The following PXDNL variants were observed in gnomAD, a reference collection of about 807,000 sequenced individuals.
PXDNL encodes peroxidasin like, also known as probable oxidoreductase PXDNL.
A neutral mutation model predicts 150.8 loss-of-function variants in PXDNL; 145 were observed. That is an observed-to-expected ratio of 0.96 (90% CI 0.84 to 1.10). The LOEUF is 1.10. Ranked by LOEUF, PXDNL falls within the 50% of genes least tolerant of loss-of-function variation. The pLI, the probability that PXDNL is intolerant of heterozygous loss-of-function variation, is 0.00. For missense variants in PXDNL, 2,087 were observed against 1,873.9 expected (o/e 1.11, Z -2.10); for synonymous variants, 757 against 725.7 (o/e 1.04, Z -0.69).
intron 2 of PXDNL, among the ~76,000 whole-genome samples, chr8:51,599,186 T>A (rs2130674478): frequency 6.6e-6 from 1 of 152,224 alleles, no homozygotes; most frequent in Admixed American, 6.5e-5. Flanking sequence ...AACAACCAAC[T>A]TTTGGTTTTG....
chr8:51,358,258 C>A (rs759681342), intron 19 of PXDNL, among the ~76,000 whole-genome samples: 10 of 152,302 alleles, frequency 6.6e-5, no homozygotes, highest in Non-Finnish European at 1.5e-4. Context: ...TCTCTCTTCC[C>A]AGGCTAAAAG....
Position 51,352,046 on chromosome 8 carries a change from A to G in PXDNL, c.3902-6099T>C, listed in dbSNP as rs547519897. Among the ~76,000 whole-genome samples the G allele has an allele frequency of 7.2e-5, 11 of 152,150 alleles. No homozygotes were observed. In the East Asian group the frequency reaches 1.7e-3, roughly 24 times the overall value. ...CTGCTCTCACTGAAGAAAAGGGATG[A>G]CATGAGGGCGTGACTCCTCAGGGTT... On this transcript the variant is annotated intron_variant, in intron 19 of 22. Transcript: ENST00000356297.
intron 2 of PXDNL, among the ~76,000 whole-genome samples, chr8:51,634,101 G>C (rs1749803312): frequency 6.6e-6 from 1 of 151,810 alleles, no homozygotes; most frequent in East Asian, 1.9e-4. Context: ...AGGATTTTTA[G>C]AGTTTGTGAT....
chr8:51,628,309 T>C (rs1050034081), intron 2 of PXDNL, among the ~76,000 whole-genome samples: 5 of 151,602 alleles, frequency 3.3e-5, no homozygotes, highest in Non-Finnish European at 7.4e-5. Context: ...ATCTACAAGC[T>C]TTGGGAGAGG....
intron 17 of PXDNL, among the ~76,000 whole-genome samples, chr8:51,380,931 A>G (rs1807513547): frequency 6.6e-6 from 1 of 152,176 alleles, no homozygotes; most frequent in African/African-American, 2.4e-5. Flanking sequence ...CCTAAATTAT[A>G]TCAACACTTT....
At chr8:51,691,836 G>A (rs1046628502) in intron 1 of PXDNL, among the ~76,000 whole-genome samples, 1 of 152,170 alleles carries the variant, frequency 6.6e-6, no homozygotes, top group African/African-American at 2.4e-5. Context: ...AGGGAGGAAG[G>A]CAAATGTGTG....
chr8:51,693,849 C>A (rs1240653306), intron 1 of PXDNL, among the ~76,000 whole-genome samples: 1 of 152,164 alleles, frequency 6.6e-6, no homozygotes, highest in Non-Finnish European at 1.5e-5. Flanking sequence ...AATACATAGA[C>A]TATAAATGAC....
At chr8:51,637,774 T>A (rs1381878111) in intron 2 of PXDNL, among the ~76,000 whole-genome samples, 1 of 152,160 alleles carries the variant, frequency 6.6e-6, no homozygotes, top group Admixed American at 6.5e-5. Flanking sequence ...TAGAAAACAC[T>A]CTTCAGGATA....
intron 14 of PXDNL, among the ~76,000 whole-genome samples, chr8:51,417,156 A>G (rs1346604539): frequency 6.6e-6 from 1 of 152,242 alleles, no homozygotes; most frequent in Admixed American, 6.5e-5. Flanking sequence ...GGCTTAAGGA[A>G]TAGAACAATC....
At chr8:51,356,062 G>GT (rs1214317245) in intron 19 of PXDNL, among the ~76,000 whole-genome samples, 1 of 152,240 alleles carries the variant, frequency 6.6e-6, no homozygotes, top group Non-Finnish European at 1.5e-5. Flanking sequence ...CTATCCCTAG[G>GT]TCTGCTAATA....
intron 1 of PXDNL, among the ~76,000 whole-genome samples, chr8:51,791,715 C>T (rs144092277): frequency 2.0e-5 from 3 of 152,332 alleles, no homozygotes; most frequent in African/African-American, 7.2e-5. Flanking sequence ...TTCCCACTCT[C>T]TCTGGACAGT....
At chr8:51,654,262 C>T (rs1815104050) in intron 2 of PXDNL, among the ~76,000 whole-genome samples, 1 of 152,218 alleles carries the variant, frequency 6.6e-6, no homozygotes, top group South Asian at 2.1e-4. Flanking sequence ...AGCATCTCTA[C>T]ATGATTCTAA....
intron 19 of PXDNL, among the ~76,000 whole-genome samples, chr8:51,358,427 T>C (rs1806589690): frequency 6.6e-6 from 1 of 152,190 alleles, no homozygotes; most frequent in African/African-American, 2.4e-5. Context: ...TCAAAACTGG[T>C]TTTCTCAGAC....
chr8:51,717,986 T>C lies in PXDNL; in HGVS notation c.165-63226A>G, dbSNP rs375507019. On this transcript the variant is annotated intron_variant, in intron 1 of 22. Coordinates refer to ENST00000356297, the MANE Select transcript of PXDNL (RefSeq NM_144651.5). ...TGTTTTCTTTTAAACTGTTGTCCTT[T>C]GAGCAAATGAGCTAGATTTTTTTTT... is the stretch of plus-strand genomic sequence containing the variant. 5.8e-4 allele frequency among the ~76,000 whole-genome samples: 88 copies of C among 152,312 alleles called. 2 individuals are homozygous for C. The South Asian group carries it at 0.018, about 30-fold the overall frequency.
At chr8:51,398,852 G>A (rs1341481442) in intron 17 of PXDNL, among the ~76,000 whole-genome samples, 2 of 152,142 alleles carry the variant, frequency 1.3e-5, no homozygotes, top group African/African-American at 2.4e-5. Context: ...GGACATTAAA[G>A]CCACTATTAT....
intron 21 of PXDNL, among the ~76,000 whole-genome samples, chr8:51,330,141 G>A (rs1271505023): frequency 1.3e-5 from 2 of 152,124 alleles, no homozygotes; most frequent in Non-Finnish European, 2.9e-5. Context: ...GCTTTTCTTA[G>A]TCCACCAATT....
chr8:51,588,784 T>A (rs894033155), intron 3 of PXDNL, among the ~76,000 whole-genome samples: 2 of 152,130 alleles, frequency 1.3e-5, no homozygotes, highest in Non-Finnish European at 1.5e-5. Context: ...AGGATTGAGA[T>A]GAAACACAGG....
At chr8:51,579,065 T>G (rs1440401654) in intron 3 of PXDNL, among the ~76,000 whole-genome samples, 1 of 152,066 alleles carries the variant, frequency 6.6e-6, no homozygotes, top group African/African-American at 2.4e-5. Context: ...ACTGTGAGAC[T>G]TGACACCAAA....
chr8:51,565,322 ATAG>A (rs1417570027), intron 3 of PXDNL, among the ~76,000 whole-genome samples: 1 of 68,590 alleles, frequency 1.5e-5, no homozygotes, highest in Non-Finnish European at 2.6e-5. Flanking sequence ...AAATAAATAA[ATAG>A]ATAGATAGAT....
Sources: allele counts gnomAD v4.1 joint callset (sites outside exome capture counted in the v4.1 genomes callset), GRCh38; gene constraint gnomAD v4.1.1; transcripts MANE v1.5; gene names NCBI Gene and HGNC (gene_info 2026-07-23, HGNC 2026-07-21).